The following GPC6 variants were observed in gnomAD, a reference collection of about 807,000 sequenced individuals.
GPC6 encodes the protein glypican 6.
A neutral mutation model predicts 55.2 loss-of-function variants in GPC6; 14 were observed. The observed-to-expected ratio is 0.25, with a 90% CI of 0.17 to 0.40. The LOEUF is 0.40. Among genes scored for constraint, GPC6 ranks in the 10% least tolerant of loss-of-function variants. GPC6 has a pLI of 1.00. For synonymous variants in GPC6, 278 were observed against 259.6 expected, an observed-to-expected ratio of 1.07 and a Z score of -0.68; for missense variants, 641 against 708.5, an observed-to-expected ratio of 0.90 and a Z score of 1.08.
intron 1 of GPC6, among the ~76,000 whole-genome samples, chr13:93,451,831 C>T (rs536499028): frequency 6.6e-6 from 1 of 152,264 alleles, no homozygotes; most frequent in Admixed American, 6.5e-5. Flanking sequence ...CCACCAGATG[C>T]TCCAATGTAA....
chr13:94,087,285 C>T (rs1928125), intron 4 of GPC6, among the ~76,000 whole-genome samples: 124,265 of 152,134 alleles, frequency 0.82, 51,119 homozygotes, highest in South Asian at 0.88. Flanking sequence ...AGCATCAAAG[C>T]TTATGTGAGC....
At chr13:93,682,844 CAA>C (rs34479352) in intron 2 of GPC6, among the ~76,000 whole-genome samples, 9 of 108,828 alleles carry the variant, frequency 8.3e-5, no homozygotes, top group Admixed American at 1.0e-4. Flanking sequence ...CCTGTCTCTA[CAA>C]AAAAAAAAAA....
At chr13:93,316,195 A>T (rs1013237087) in intron 1 of GPC6, among the ~76,000 whole-genome samples, 2 of 152,096 alleles carry the variant, frequency 1.3e-5, no homozygotes, top group African/African-American at 4.8e-5. Context: ...CCTTCATTTG[A>T]TGAACCTTGC....
At chr13:94,020,021 T>C (rs1178652959) in intron 3 of GPC6, among the ~76,000 whole-genome samples, 3 of 152,156 alleles carry the variant, frequency 2.0e-5, no homozygotes, top group Non-Finnish European at 4.4e-5. Flanking sequence ...TTTTGTTTAT[T>C]TTCACTCTAA....
At chr13:94,375,011 A>G (rs1358440897) in intron 6 of GPC6, among the ~76,000 whole-genome samples, 1 of 149,126 alleles carries the variant, frequency 6.7e-6, no homozygotes, top group East Asian at 2.0e-4. Context: ...CTTTGAAACC[A>G]ACGAGAACAA....
intron 1 of GPC6, among the ~76,000 whole-genome samples, chr13:93,338,609 T>C (rs1256367857): frequency 6.6e-6 from 1 of 152,164 alleles, no homozygotes; most frequent in East Asian, 1.9e-4. Flanking sequence ...AAAAATGTGG[T>C]ACTTTATTAA....
At chr13:93,804,280 C>G (rs1190646891) in intron 2 of GPC6, among the ~76,000 whole-genome samples, 1 of 152,098 alleles carries the variant, frequency 6.6e-6, no homozygotes, top group East Asian at 1.9e-4. Flanking sequence ...TGTTTTCACT[C>G]TTTCTAGAAA....
At chr13:93,921,191 A>G (rs955228310) in intron 3 of GPC6, among the ~76,000 whole-genome samples, 3 of 152,014 alleles carry the variant, frequency 2.0e-5, no homozygotes, top group Non-Finnish European at 4.4e-5. Context: ...TGTGGGTCAA[A>G]CTCTTACGGG....
chr13:94,360,236 A>G (rs1878995181), intron 6 of GPC6, among the ~76,000 whole-genome samples: 1 of 152,114 alleles, frequency 6.6e-6, no homozygotes, highest in Admixed American at 6.6e-5. Context: ...AAATGGCATA[A>G]GTTTTATGGT....
intron 2 of GPC6, among the ~76,000 whole-genome samples, chr13:93,689,551 T>A (rs1466584541): frequency 1.3e-5 from 2 of 152,058 alleles, no homozygotes; most frequent in African/African-American, 4.8e-5. Flanking sequence ...AGGAAAGGCA[T>A]TCCAGTTAAA....
chr13:94,092,970 G>C (rs1885544141), intron 4 of GPC6, among the ~76,000 whole-genome samples: 2 of 151,916 alleles, frequency 1.3e-5, no homozygotes, highest in African/African-American at 4.8e-5. Context: ...TGGATTATTT[G>C]TTTTCTGGCT....
chr13:94,143,413 A>G (rs573569828), intron 4 of GPC6, among the ~76,000 whole-genome samples: 116 of 152,300 alleles, frequency 7.6e-4, no homozygotes, highest in Non-Finnish European at 1.5e-3. Context: ...ATCTTTCCAA[A>G]GTATTTGATT....
At chr13:94,106,359 T>C (rs890042449) in intron 4 of GPC6, among the ~76,000 whole-genome samples, 3 of 152,220 alleles carry the variant, frequency 2.0e-5, no homozygotes, top group African/African-American at 7.2e-5. Flanking sequence ...AAAAAGTTTC[T>C]CTACATTATG....
At chr13:93,730,733 A>G (rs1401651920) in intron 2 of GPC6, among the ~76,000 whole-genome samples, 3 of 152,216 alleles carry the variant, frequency 2.0e-5, no homozygotes, top group Non-Finnish European at 2.9e-5. Flanking sequence ...AGTCAACTAG[A>G]AAAAGAAGTA....
intron 2 of GPC6, among the ~76,000 whole-genome samples, chr13:93,701,178 C>G (rs1411106077): frequency 6.6e-6 from 1 of 152,058 alleles, no homozygotes; most frequent in Non-Finnish European, 1.5e-5. Flanking sequence ...AAGCACAACA[C>G]TTTAATGAAT....
At chr13:93,938,832 G>A (rs1214647391) in intron 3 of GPC6, among the ~76,000 whole-genome samples, 2 of 152,146 alleles carry the variant, frequency 1.3e-5, no homozygotes, top group Non-Finnish European at 2.9e-5. Context: ...GGCTGGGCAC[G>A]GTGGCTCACG....
At chr13:93,289,812 C>G (rs1878260307) in intron 1 of GPC6, among the ~76,000 whole-genome samples, 1 of 152,128 alleles carries the variant, frequency 6.6e-6, no homozygotes, top group Non-Finnish European at 1.5e-5. Context: ...AAAAGGTGAG[C>G]AGCACAGTCT....
intron 3 of GPC6, among the ~76,000 whole-genome samples, chr13:93,929,087 C>T (rs1878016259): frequency 2.0e-5 from 3 of 152,058 alleles, no homozygotes; most frequent in Admixed American, 2.0e-4. Flanking sequence ...CCCCTGGATA[C>T]TTCAAAAAGT....
intron 2 of GPC6, among the ~76,000 whole-genome samples, chr13:93,632,545 G>GACTGCAGTGAGCTGCAATCCT (rs147783118): frequency 1.3e-4 from 20 of 149,790 alleles, no homozygotes; most frequent in Non-Finnish European, 2.2e-4. Flanking sequence ...GGTATGTTGA[G>GACTGCAGTGAGCTGCAATCCT]ACCACTGCAC....
Sources: gnomAD v4.1 joint callset for allele counts (sites outside exome capture counted in the v4.1 genomes callset) on GRCh38, gnomAD v4.1.1 for gene constraint, MANE v1.5 for transcripts, NCBI Gene and HGNC (gene_info 2026-07-23, HGNC 2026-07-21) for gene names.